Variants in MSI2 observed in about 807,000 individuals in gnomAD.
The protein encoded by MSI2 is RNA-binding protein Musashi homolog 2.
A neutral mutation model predicts 45.6 loss-of-function variants in MSI2; 17 were observed. The ratio of observed to expected loss-of-function variants is 0.37; its 90% CI spans 0.26 to 0.56. The LOEUF is 0.56. MSI2 is among the 20% of genes least tolerant of loss of function. The probability of loss-of-function intolerance (pLI) is 0.77; values close to 1 mark genes in which losing one functional copy is unlikely to be tolerated. For missense variants in MSI2, 293 were observed against 444.2 expected (o/e 0.66, Z 3.06); for synonymous variants, 156 against 158.2 (o/e 0.99, Z 0.11).
chr17:57,618,575 C>T (rs1285447821), intron 9 of MSI2, among the ~76,000 whole-genome samples: 3 of 152,106 alleles, frequency 2.0e-5, no homozygotes, highest in South Asian at 2.1e-4. Flanking sequence ...GATGGAGTCT[C>T]GCTCTGTCGC....
At chr17:57,463,825 T>A (rs2085277617) in intron 6 of MSI2, among the ~76,000 whole-genome samples, 1 of 152,026 alleles carries the variant, frequency 6.6e-6, no homozygotes, top group Non-Finnish European at 1.5e-5. Context: ...GCATTCATTC[T>A]CTATATTATC....
intron 6 of MSI2, among the ~76,000 whole-genome samples, chr17:57,501,170 G>A (rs1199281641): frequency 6.6e-6 from 1 of 152,106 alleles, no homozygotes; most frequent in Non-Finnish European, 1.5e-5. Context: ...TGAGTGTAAG[G>A]TGTGAAGCCA....
chr17:57,550,252 G>T (rs909582356), intron 7 of MSI2, among the ~76,000 whole-genome samples: 1 of 152,184 alleles, frequency 6.6e-6, no homozygotes, highest in Admixed American at 6.5e-5. Context: ...AGGAAGCAGT[G>T]GTTGTCAAGG....
At position 57,652,453 on chromosome 17, in the gene MSI2, C is replaced by T. The variant is rs772703851; in HGVS notation, c.790+292C>T. ...AGTTTCTTTTTGACTTTGACCATCC[C>T]GTCACCTGACAGCTAGCTTCGGGTA... is the stretch of plus-strand genomic sequence containing the variant. On this transcript the variant is annotated intron_variant, in intron 11 of 13. Coordinates refer to ENST00000284073, the MANE Select transcript of MSI2 (RefSeq NM_138962.4). This position sits in a 1 kb window ranked among gnomAD's most constrained non-coding sequence, Gnocchi z 4.1. Among the ~76,000 whole-genome samples, 7 of 152,172 alleles carry T rather than the reference C, an allele frequency of 4.6e-5. No individual in the cohort carries two copies. The highest frequency in any genetic ancestry group is 4.1e-4 in the South Asian group (2 of 4,830).
intron 5 of MSI2, among the ~76,000 whole-genome samples, chr17:57,380,335 G>A (rs976813784): frequency 3.3e-5 from 5 of 152,164 alleles, no homozygotes; most frequent in Non-Finnish European, 5.9e-5. Context: ...CACAGCGGGC[G>A]GCCTGGGCAG....
chr17:57,314,659 A>C (rs1261023666), intron 5 of MSI2, among the ~76,000 whole-genome samples: 2 of 130,884 alleles, frequency 1.5e-5, no homozygotes, highest in African/African-American at 6.0e-5. Flanking sequence ...GCAACCTCCC[A>C]CTCCCTGGTT....
intron 5 of MSI2, among the ~76,000 whole-genome samples, chr17:57,351,578 A>G (rs1194770073): frequency 6.6e-6 from 1 of 152,216 alleles, no homozygotes; most frequent in Non-Finnish European, 1.5e-5. Context: ...GTGTATGGCC[A>G]GGTGCAACGG....
At chr17:57,496,753 C>T (rs115007207) in intron 6 of MSI2, among the ~76,000 whole-genome samples, 60 of 152,356 alleles carry the variant, frequency 3.9e-4, no homozygotes, top group African/African-American at 1.4e-3. Flanking sequence ...GACAGTTCAG[C>T]ACCTGAACAG....
At chr17:57,362,759 T>C (rs549436799) in intron 5 of MSI2, among the ~76,000 whole-genome samples, 1 of 152,310 alleles carries the variant, frequency 6.6e-6, no homozygotes, top group Admixed American at 6.5e-5. Context: ...AAAAAATTCA[T>C]ACTAAAGTGC....
chr17:57,394,756 G>T (rs910087917), intron 5 of MSI2, among the ~76,000 whole-genome samples: 2 of 152,196 alleles, frequency 1.3e-5, no homozygotes, highest in Non-Finnish European at 2.9e-5. Flanking sequence ...GACTTGCCTT[G>T]CTTGGGTGGG....
intron 7 of MSI2, among the ~76,000 whole-genome samples, chr17:57,539,325 G>A (rs990947229): frequency 1.3e-5 from 2 of 151,782 alleles, no homozygotes; most frequent in African/African-American, 4.8e-5. Context: ...TTTAGTGTGA[G>A]CTTTTAAAAT....
In MSI2 at chr17:57,407,403, A is replaced by G. The variant is rs1377348878; in HGVS notation, c.405+5932A>G. Among the ~76,000 whole-genome samples the G allele has an allele frequency of 6.6e-6, 1 of 152,218 alleles. No individual in the cohort carries two copies. Among genetic ancestry groups the G allele is most frequent in the Non-Finnish European group, 1.5e-5 (1 of 68,034 alleles). On this transcript the variant is annotated intron_variant, in intron 6 of 13. Transcript: ENST00000284073. This position sits in a 1 kb window ranked among gnomAD's most constrained non-coding sequence, Gnocchi z 4.1. ...TAAAGCCCTTTGAAATTTAAAAGGCATGAGATCTGTGAGAAGATAAATAAG... is the reference window on the plus strand; with the variant it reads ...TAAAGCCCTTTGAAATTTAAAAGGCGTGAGATCTGTGAGAAGATAAATAAG...
At chr17:57,276,351 G>A (rs966687157) in intron 5 of MSI2, among the ~76,000 whole-genome samples, 3 of 152,142 alleles carry the variant, frequency 2.0e-5, no homozygotes, top group South Asian at 2.1e-4. Flanking sequence ...CTCCCCTCCC[G>A]CCTGGCGTCT....
In MSI2 at chr17:57,627,648, A is replaced by C. The variant is rs1003432146; in HGVS notation, c.727+345A>C. On this transcript the variant is annotated intron_variant, in intron 10 of 13. Coordinates refer to ENST00000284073, the MANE Select transcript of MSI2 (RefSeq NM_138962.4). The surrounding 1 kb of genome is among the most constrained non-coding windows in gnomAD (Gnocchi z 4.6). ...AACTCTAGGCCCAGGGCTTTCTTTC[A>C]CCCTCTACCACCCCTTGCCCGCCTC... 2 of 319,950 alleles carry C rather than the reference A, an allele frequency of 6.3e-6. No individual in the cohort carries two copies. Among genetic ancestry groups the C allele is most frequent in the South Asian group, 4.1e-5 (1 of 24,462 alleles). 19.8% of individuals were successfully genotyped at this position (319,950 alleles called of 1,614,324 possible). A position where few individuals can be genotyped will look rare whatever the true frequency, so the allele number is the denominator to read the frequency against.
intron 7 of MSI2, among the ~76,000 whole-genome samples, chr17:57,538,691 A>G (rs1305186688): frequency 6.6e-6 from 1 of 152,224 alleles, no homozygotes; most frequent in Non-Finnish European, 1.5e-5. Flanking sequence ...TGGGGACCCT[A>G]GTCTTGAAAA....
At chr17:57,391,563 G>A (rs944365009) in intron 5 of MSI2, among the ~76,000 whole-genome samples, 5 of 152,086 alleles carry the variant, frequency 3.3e-5, no homozygotes, top group African/African-American at 7.2e-5. Context: ...TGAGACCATC[G>A]TGCCACCATT....
At chr17:57,619,630 G>A (rs543329660) in intron 9 of MSI2, among the ~76,000 whole-genome samples, 1 of 152,320 alleles carries the variant, frequency 6.6e-6, no homozygotes, top group East Asian at 1.9e-4. Context: ...GGCAGGCCCA[G>A]GGGCTCCAGG....
intron 5 of MSI2, among the ~76,000 whole-genome samples, chr17:57,329,591 G>T (rs1303294948): frequency 6.6e-6 from 1 of 152,122 alleles, no homozygotes; most frequent in Admixed American, 6.6e-5. Flanking sequence ...GAGGGTTAGG[G>T]GGTGTGTGTC....
chr17:57,526,633 C>G (rs1381902318), intron 6 of MSI2, among the ~76,000 whole-genome samples: 1 of 152,048 alleles, frequency 6.6e-6, no homozygotes, highest in Non-Finnish European at 1.5e-5. Context: ...CTAGTTTCAG[C>G]TCTTGCTGTT....
Sources: allele counts gnomAD v4.1 joint callset (sites outside exome capture counted in the v4.1 genomes callset), GRCh38; gene constraint gnomAD v4.1.1; non-coding constraint Gnocchi (gnomAD v3.1); transcripts MANE v1.5; gene names NCBI Gene and HGNC (gene_info 2026-07-23, HGNC 2026-07-21).